TMEM117: variants seen among roughly 807,000 people sequenced by gnomAD.
TMEM117 encodes the protein transmembrane protein 117.
In TMEM117, 27 loss-of-function variants were observed where a neutral mutation model predicts 52.4. The ratio of observed to expected loss-of-function variants is 0.51; its 90% CI spans 0.38 to 0.71. TMEM117 has a LOEUF of 0.71. Among genes scored for constraint, TMEM117 ranks in the 30% least tolerant of loss-of-function variants. The pLI is 0.00. For missense variants in TMEM117, 556 were observed against 630.5 expected (o/e 0.88, Z 1.26); for synonymous variants, 215 against 206.3 (o/e 1.04, Z -0.36).
chr12:44,146,603 T>C (rs1476647083), intron 4 of TMEM117, among the ~76,000 whole-genome samples: 3 of 152,220 alleles, frequency 2.0e-5, no homozygotes, highest in Non-Finnish European at 2.9e-5. Flanking sequence ...GAGCACATCA[T>C]TTCTATTCCC....
chr12:44,236,867 G>A (rs1162196984), intron 5 of TMEM117, among the ~76,000 whole-genome samples: 6 of 152,026 alleles, frequency 3.9e-5, no homozygotes, highest in Non-Finnish European at 2.9e-5. Context: ...TCACGCAAGG[G>A]CCACTTTATT....
intron 2 of TMEM117, among the ~76,000 whole-genome samples, chr12:43,907,554 C>T (rs542836335): frequency 0.039 from 5,778 of 148,424 alleles, 137 homozygotes; most frequent in Middle Eastern, 0.089. Context: ...CTCTGAGCTA[C>T]GGGAGGACAT....
At chr12:43,877,496 A>G (rs1381590464) in intron 2 of TMEM117, among the ~76,000 whole-genome samples, 3 of 151,922 alleles carry the variant, frequency 2.0e-5, no homozygotes, top group Non-Finnish European at 2.9e-5. Context: ...TTAGCTGGAC[A>G]TAGTGGTGGG....
Position 43,844,748 on chromosome 12 carries a change from G to T in TMEM117, c.97G>T (p.Asp33Tyr), listed in dbSNP as rs1432110782. 1.9e-6 allele frequency: 3 copies of T among 1,614,138 alleles called. No individual in the cohort carries two copies. The highest frequency in any genetic ancestry group is 2.5e-6 in the Non-Finnish European group (3 of 1,180,022). ...IFFNFLIFAE[D>Y]PVSHSQTEAN... is the part of the protein sequence containing the mutation. ...CTTTAACTTCTTAATATTTGCGGAG[G>T]ACCCAGTTTCTCATAGCCAAACAGA... Residue 33 changes from aspartate (D) to tyrosine (Y), a missense_variant, in exon 2 of 8, where the codon GAC becomes TAC. Coordinates refer to ENST00000266534, the MANE Select transcript of TMEM117 (RefSeq NM_032256.3).
chr12:44,204,250 G>A (rs577494456), intron 4 of TMEM117, among the ~76,000 whole-genome samples: 1 of 152,018 alleles, frequency 6.6e-6, no homozygotes, highest in South Asian at 2.1e-4. Context: ...ACAAAAATCA[G>A]CAGCATTTCT....
At chr12:43,936,036 G>A (rs981214241) in intron 2 of TMEM117, among the ~76,000 whole-genome samples, 1 of 152,120 alleles carries the variant, frequency 6.6e-6, no homozygotes, top group African/African-American at 2.4e-5. Flanking sequence ...ACCATGTTAG[G>A]GAGCTTGGAT....
chr12:44,239,160 C>A (rs887449145), intron 5 of TMEM117, among the ~76,000 whole-genome samples: 21 of 152,088 alleles, frequency 1.4e-4, no homozygotes, highest in African/African-American at 4.8e-4. Flanking sequence ...GTGATTTTGT[C>A]TTTCACGGTA....
chr12:43,926,172 T>C (rs1218703283), intron 2 of TMEM117, among the ~76,000 whole-genome samples: 1 of 152,234 alleles, frequency 6.6e-6, no homozygotes, highest in Non-Finnish European at 1.5e-5. Context: ...AATAGAATAA[T>C]TCAATTCAAA....
intron 7 of TMEM117, among the ~76,000 whole-genome samples, chr12:44,387,480 A>C (rs2138875528): frequency 6.6e-6 from 1 of 152,204 alleles, no homozygotes; most frequent in South Asian, 2.1e-4. Context: ...AAAGTCTTGA[A>C]TGCTCAAGGA....
At chr12:44,368,668 A>G in intron 6 of TMEM117, among the ~76,000 whole-genome samples, 1 of 152,208 alleles carries the variant, frequency 6.6e-6, no homozygotes, top group Non-Finnish European at 1.5e-5. Flanking sequence ...TCCTGGCAGC[A>G]TGTGCGGAGC....
intron 6 of TMEM117, among the ~76,000 whole-genome samples, chr12:44,354,091 CTCTG>C (rs766522802): frequency 8.6e-5 from 13 of 152,004 alleles, no homozygotes; most frequent in Admixed American, 2.6e-4. Flanking sequence ...TTATTTGGCT[CTCTG>C]TCTGTTATTG....
At chr12:44,218,345 C>G (rs572998267) in intron 5 of TMEM117, among the ~76,000 whole-genome samples, 2 of 152,106 alleles carry the variant, frequency 1.3e-5, no homozygotes, top group Non-Finnish European at 2.9e-5. Flanking sequence ...GTAAATCAAT[C>G]AATGTAATTA....
intron 3 of TMEM117, chr12:44,008,606 C>G (rs1014383098): frequency 4.9e-6 from 1 of 205,722 alleles, no homozygotes; most frequent in Non-Finnish European, 9.7e-6. Context: ...AGGTGAAGCT[C>G]TATGTGGTAA....
At chr12:44,357,016 C>G (rs2138796885) in intron 6 of TMEM117, among the ~76,000 whole-genome samples, 1 of 152,254 alleles carries the variant, frequency 6.6e-6, no homozygotes, top group East Asian at 1.9e-4. Flanking sequence ...GCTCCTTCAG[C>G]TTCATCCCTA....
intron 4 of TMEM117, among the ~76,000 whole-genome samples, chr12:44,185,869 TACACAC>T (rs3065433): frequency 0.061 from 8,278 of 135,014 alleles, 282 homozygotes; most frequent in African/African-American, 0.084. Context: ...CTAAAAGACA[TACACAC>T]ACACACACAC....
rs571073121 is a variant in TMEM117, at chr12:44,265,604, G to A, written c.609-33976G>A. ...TTCCAACCTTTATTTTTTTATTGAG[G>A]TGAAATTGACATAACATAAAATTAA... is the stretch of plus-strand genomic sequence containing the variant. On this transcript the variant is annotated intron_variant, in intron 5 of 7. Coordinates refer to ENST00000266534, the MANE Select transcript of TMEM117 (RefSeq NM_032256.3). 9.7e-4 allele frequency among the ~76,000 whole-genome samples: 148 copies of A among 152,160 alleles called. 2 individuals are homozygous for A. In the Middle Eastern group the frequency reaches 0.014, roughly 14 times the overall value.
intron 4 of TMEM117, among the ~76,000 whole-genome samples, chr12:44,206,988 G>C (rs1274146356): frequency 6.6e-6 from 1 of 151,962 alleles, no homozygotes; most frequent in Non-Finnish European, 1.5e-5. Context: ...TTTTTAAAAA[G>C]GTATGATGGA....
At chr12:44,237,591 C>T (rs1950012685) in intron 5 of TMEM117, among the ~76,000 whole-genome samples, 1 of 151,998 alleles carries the variant, frequency 6.6e-6, no homozygotes, top group Admixed American at 6.6e-5. Context: ...GTGGCATGCA[C>T]CTGTAATCCC....
Position 44,128,195 on chromosome 12 carries a change from G to A in TMEM117, c.411-15330G>A, listed in dbSNP as rs558259219. Among the ~76,000 whole-genome samples, 11 of 152,220 alleles carry A rather than the reference G, an allele frequency of 7.2e-5. No individual in the cohort carries two copies. The East Asian group carries it at 7.7e-4, about 11-fold the overall frequency. ...GCAGCAGCCCTGAGCTGCCCTCTCC[G>A]CTCCTCTCATGCCCTGCTGCTTCCA... On this transcript the variant is annotated intron_variant, in intron 3 of 7. Coordinates refer to ENST00000266534, the MANE Select transcript of TMEM117 (RefSeq NM_032256.3).
Sources: gnomAD v4.1 joint callset for allele counts (sites outside exome capture counted in the v4.1 genomes callset) on GRCh38, gnomAD v4.1.1 for gene constraint, MANE v1.5 for transcripts, NCBI Gene and HGNC (gene_info 2026-07-23, HGNC 2026-07-21) for gene names.